PIP4K2A: variants seen among roughly 807,000 people sequenced by gnomAD.
PIP4K2A encodes the protein phosphatidylinositol 5-phosphate 4-kinase type-2 alpha.
In PIP4K2A, 14 loss-of-function variants were observed where a neutral mutation model predicts 42.9. The ratio of observed to expected loss-of-function variants is 0.33; its 90% CI spans 0.22 to 0.51. The LOEUF is 0.51. Among genes scored for constraint, PIP4K2A ranks in the 20% least tolerant of loss-of-function variants. PIP4K2A has a pLI of 0.97. For synonymous variants in PIP4K2A, 192 were observed against 192.2 expected (o/e 1.00, Z 0.01); for missense variants, 434 against 519.8 (o/e 0.83, Z 1.61).
chr10:22,653,919 G>A (rs1299843257), intron 1 of PIP4K2A, among the ~76,000 whole-genome samples: 1 of 152,152 alleles, frequency 6.6e-6, no homozygotes, highest in Non-Finnish European at 1.5e-5. Context: ...TTTGGGAAAG[G>A]TCTGTATTCT....
chr10:22,592,787 T>G (rs889306769), intron 3 of PIP4K2A, among the ~76,000 whole-genome samples: 1 of 152,168 alleles, frequency 6.6e-6, no homozygotes. Flanking sequence ...AAGTCTCGTC[T>G]CCATCCTTGC....
chr10:22,680,811 T>C (rs1320031785), intron 1 of PIP4K2A, among the ~76,000 whole-genome samples: 1 of 152,164 alleles, frequency 6.6e-6, no homozygotes, highest in African/African-American at 2.4e-5. Context: ...TCCCAAAATA[T>C]GCCGGATTTT....
chr10:22,701,062 A>G (rs1588715182), intron 1 of PIP4K2A, among the ~76,000 whole-genome samples: 1 of 152,232 alleles, frequency 6.6e-6, no homozygotes, highest in South Asian at 2.1e-4. Context: ...CAGCTTCTCC[A>G]TCCACCACGC....
intron 4 of PIP4K2A, among the ~76,000 whole-genome samples, chr10:22,578,120 T>C (rs1347100434): frequency 2.0e-5 from 3 of 152,248 alleles, no homozygotes; most frequent in African/African-American, 4.8e-5. Context: ...TTAATAATTG[T>C]TCAATCTAAG....
At position 22,537,127 on chromosome 10, in the gene PIP4K2A, G is replaced by T; in HGVS notation, c.*74C>A. 3.6e-6 allele frequency: 4 copies of T among 1,125,246 alleles called. No homozygotes were observed. Among genetic ancestry groups the T allele is most frequent in the East Asian group, 2.6e-5 (1 of 39,014 alleles). The allele number at this position is 1,125,246 out of a possible 1,614,324, so 69.7% of individuals were successfully genotyped here. A position where few individuals can be genotyped will look rare whatever the true frequency, so the allele number is the denominator to read the frequency against. On this transcript the variant is annotated 3_prime_UTR_variant, in exon 10 of 10. Coordinates refer to ENST00000376573, the MANE Select transcript of PIP4K2A (RefSeq NM_005028.5). ...GCAAGATGAGTACTTCACTGAGTTT[G>T]GTTTTCATTTTTCCTACACCGAAGC...
intron 1 of PIP4K2A, among the ~76,000 whole-genome samples, chr10:22,610,610 TC>T (rs1838010367): frequency 6.6e-6 from 1 of 152,200 alleles, no homozygotes; most frequent in Non-Finnish European, 1.5e-5. Flanking sequence ...ATTGCTGGGT[TC>T]ACAGACAGTA....
At chr10:22,664,099 A>G (rs1839274796) in intron 1 of PIP4K2A, among the ~76,000 whole-genome samples, 1 of 84,374 alleles carries the variant, frequency 1.2e-5, no homozygotes. Flanking sequence ...ACATATATAT[A>G]TATACATATA....
At chr10:22,633,006 G>A (rs1282171189) in intron 1 of PIP4K2A, among the ~76,000 whole-genome samples, 1 of 152,150 alleles carries the variant, frequency 6.6e-6, no homozygotes, top group African/African-American at 2.4e-5. Context: ...TTAAGGCTTA[G>A]TATACATCGG....
chr10:22,671,153 T>A (rs1312090573), intron 1 of PIP4K2A, among the ~76,000 whole-genome samples: 1 of 152,200 alleles, frequency 6.6e-6, no homozygotes, highest in Non-Finnish European at 1.5e-5. Flanking sequence ...CACATATATA[T>A]ATACCTTTAC....
At chr10:22,654,404 C>CA (rs1157337775) in intron 1 of PIP4K2A, among the ~76,000 whole-genome samples, 8 of 152,196 alleles carry the variant, frequency 5.3e-5, no homozygotes, top group African/African-American at 1.9e-4. Flanking sequence ...AATAGATACT[C>CA]AGAGTGGGCA....
chr10:22,595,340 A>T (rs1343389427), intron 3 of PIP4K2A, among the ~76,000 whole-genome samples: 1 of 152,242 alleles, frequency 6.6e-6, no homozygotes, highest in Non-Finnish European at 1.5e-5. Flanking sequence ...GCGATTTACA[A>T]AGATAAGACT....
At chr10:22,684,580 T>C (rs1248741335) in intron 1 of PIP4K2A, among the ~76,000 whole-genome samples, 3 of 152,230 alleles carry the variant, frequency 2.0e-5, no homozygotes, top group African/African-American at 7.2e-5. Context: ...CAAAACATTC[T>C]ATTAGTGAAA....
At chr10:22,691,620 A>G (rs1839870383) in intron 1 of PIP4K2A, 1 of 152,190 alleles carries the variant, frequency 6.6e-6, no homozygotes, top group Non-Finnish European at 1.5e-5. Context: ...TGTATGCCCT[A>G]CCTGATTCCA....
At chr10:22,555,802 G>C (rs1836524967) in intron 6 of PIP4K2A, among the ~76,000 whole-genome samples, 1 of 151,830 alleles carries the variant, frequency 6.6e-6, no homozygotes, top group Non-Finnish European at 1.5e-5. Flanking sequence ...CTAAACCTGG[G>C]GGTCCAATCT....
chr10:22,554,492 G>C (rs956699633), intron 6 of PIP4K2A, among the ~76,000 whole-genome samples: 1 of 152,196 alleles, frequency 6.6e-6, no homozygotes, highest in Non-Finnish European at 1.5e-5. Flanking sequence ...ACTGGGTCTG[G>C]TTCTTTAATG....
intron 1 of PIP4K2A, among the ~76,000 whole-genome samples, chr10:22,636,339 C>T (rs754794617): frequency 6.6e-6 from 1 of 152,284 alleles, no homozygotes; most frequent in South Asian, 2.1e-4. Flanking sequence ...GCCGCCTCAA[C>T]GTCCCAGGCT....
chr10:22,605,193 CTTTT>C (rs369936474), intron 3 of PIP4K2A, among the ~76,000 whole-genome samples: 3 of 150,206 alleles, frequency 2.0e-5, no homozygotes, highest in African/African-American at 7.6e-5. Context: ...CTTTTTCTTT[CTTTT>C]TTTTCTTTTT....
rs71395811 is a variant in PIP4K2A, at chr10:22,664,218, CATATAT to C, written c.144+49959_144+49964del. ...ATATATATATACATATATATATATA[CATATAT>C]ATATACACACACACACACACACACA... is the stretch of plus-strand genomic sequence containing the variant. On this transcript the variant is annotated intron_variant, in intron 1 of 9. Transcript: ENST00000376573. 1.6e-3 allele frequency among the ~76,000 whole-genome samples: 42 copies of C among 26,112 alleles called. 1 individual carries two copies. Among genetic ancestry groups the C allele is most frequent in the African/African-American group, 6.4e-3 (38 of 5,962 alleles). 17.1% of individuals were successfully genotyped at this position (26,112 alleles called of 152,430 possible).
intron 4 of PIP4K2A, among the ~76,000 whole-genome samples, chr10:22,581,717 T>A (rs547882601): frequency 1.3e-5 from 2 of 152,304 alleles, no homozygotes; most frequent in East Asian, 3.9e-4. Flanking sequence ...AAGAGTGCTG[T>A]CAGAAACTTT....
Sources: gnomAD v4.1 joint callset for allele counts (sites outside exome capture counted in the v4.1 genomes callset) on GRCh38, gnomAD v4.1.1 for gene constraint, MANE v1.5 for transcripts, NCBI Gene and HGNC (gene_info 2026-07-23, HGNC 2026-07-21) for gene names.